NAV2: variants seen among roughly 807,000 people sequenced by gnomAD.
NAV2 encodes the protein helicase, APC down-regulated 1.
NAV2 carries 54 observed loss-of-function variants against 223.2 expected under a neutral mutation model. That is an observed-to-expected ratio of 0.24 (90% CI 0.19 to 0.30). The LOEUF is 0.30. NAV2 is among the 10% of genes least tolerant of loss of function. The pLI, the probability that NAV2 is intolerant of heterozygous loss-of-function variation, is 1.00. For missense variants in NAV2, 2,806 were observed against 3,147.5 expected, an observed-to-expected ratio of 0.89 and a Z score of 2.60; for synonymous variants, 1,279 against 1,239.3, an observed-to-expected ratio of 1.03 and a Z score of -0.67.
chr11:19,731,530 A>G (rs2051770061), intron 1 of NAV2, among the ~76,000 whole-genome samples: 1 of 152,224 alleles, frequency 6.6e-6, no homozygotes, highest in African/African-American at 2.4e-5. Flanking sequence ...AGTGAACCAT[A>G]AACACTGTGG....
chr11:19,585,232 G>C (rs185579037), intron 1 of NAV2, among the ~76,000 whole-genome samples: 63 of 152,086 alleles, frequency 4.1e-4, no homozygotes, highest in African/African-American at 1.4e-3. Flanking sequence ...CATTTGCTTG[G>C]TAGATCTTCC....
chr11:19,844,287 C>T (rs2060663992), intron 3 of NAV2, among the ~76,000 whole-genome samples: 1 of 152,166 alleles, frequency 6.6e-6, no homozygotes, highest in Non-Finnish European at 1.5e-5. Context: ...GCATTATTTC[C>T]CTCCAGGATA....
chr11:19,630,455 C>A (rs2047311277), intron 1 of NAV2, among the ~76,000 whole-genome samples: 1 of 152,020 alleles, frequency 6.6e-6, no homozygotes, highest in African/African-American at 2.4e-5. Context: ...CCTAGGGTTC[C>A]AAGAAGACAT....
intron 1 of NAV2, among the ~76,000 whole-genome samples, chr11:19,800,851 T>G (rs540143434): frequency 8.4e-4 from 128 of 152,306 alleles, no homozygotes; most frequent in African/African-American, 2.7e-3. Flanking sequence ...CAGTCTGGTC[T>G]GTAGCCTTGG....
chr11:19,360,882 A>G (rs1187127212), intron 1 of NAV2, among the ~76,000 whole-genome samples: 1 of 152,168 alleles, frequency 6.6e-6, no homozygotes, highest in South Asian at 2.1e-4. Context: ...CATCAAGTGG[A>G]TACTTAAATA....
chr11:20,021,146 G>T (rs2054474298), intron 11 of NAV2, among the ~76,000 whole-genome samples: 1 of 152,162 alleles, frequency 6.6e-6, no homozygotes, highest in South Asian at 2.1e-4. Context: ...GTTCTCCCGA[G>T]CATTTATTGC....
chr11:19,627,103 G>A (rs2047192989), intron 1 of NAV2, among the ~76,000 whole-genome samples: 1 of 152,172 alleles, frequency 6.6e-6, no homozygotes, highest in South Asian at 2.1e-4. Flanking sequence ...AGAGATCCAT[G>A]TGGGCCGGGT....
chr11:19,589,497 G>T (rs2045995285), intron 1 of NAV2, among the ~76,000 whole-genome samples: 1 of 152,192 alleles, frequency 6.6e-6, no homozygotes, highest in South Asian at 2.1e-4. Flanking sequence ...GACATTTGAG[G>T]AGGAGTACGC....
chr11:19,586,479 T>C (rs982737816), intron 1 of NAV2, among the ~76,000 whole-genome samples: 10 of 152,250 alleles, frequency 6.6e-5, no homozygotes, highest in Non-Finnish European at 1.2e-4. Context: ...TTCCAGTTTT[T>C]CTGCTCTGTT....
intron 10 of NAV2, among the ~76,000 whole-genome samples, chr11:19,971,981 G>A (rs112789673): frequency 0.011 from 1,734 of 152,320 alleles, 34 homozygotes; most frequent in African/African-American, 0.04. Flanking sequence ...GGGATTACAG[G>A]CATAAGCCAC....
At chr11:19,631,515 T>C (rs756244333) in intron 1 of NAV2, among the ~76,000 whole-genome samples, 6 of 152,236 alleles carry the variant, frequency 3.9e-5, no homozygotes, top group Admixed American at 1.3e-4. Context: ...TAGGGCTATC[T>C]TTCCTTTTGT....
intron 1 of NAV2, among the ~76,000 whole-genome samples, chr11:19,394,800 G>T (rs1414074326): frequency 6.6e-6 from 1 of 152,192 alleles, no homozygotes; most frequent in African/African-American, 2.4e-5. Flanking sequence ...GCCTGAAAGA[G>T]GTTCAAATGT....
At chr11:20,073,031 C>T (rs1390424606) in intron 22 of NAV2, among the ~76,000 whole-genome samples, 1 of 152,178 alleles carries the variant, frequency 6.6e-6, no homozygotes, top group Non-Finnish European at 1.5e-5. Context: ...AAAGGGAATG[C>T]TTCCAGTCTT....
At chr11:19,669,388 T>C (rs571518908) in intron 1 of NAV2, among the ~76,000 whole-genome samples, 33 of 152,364 alleles carry the variant, frequency 2.2e-4, no homozygotes, top group African/African-American at 7.5e-4. Flanking sequence ...CTCTACCATG[T>C]ACCTGCTATA....
At chr11:19,875,323 C>G (rs576919164) in intron 4 of NAV2, among the ~76,000 whole-genome samples, 91 of 152,336 alleles carry the variant, frequency 6.0e-4, no homozygotes, top group Admixed American at 1.8e-3. Context: ...GCTCAGAACA[C>G]TTACATTAGC....
intron 1 of NAV2, among the ~76,000 whole-genome samples, chr11:19,624,374 A>T (rs566775250): frequency 1.3e-5 from 2 of 152,176 alleles, no homozygotes; most frequent in Non-Finnish European, 2.9e-5. Context: ...GGTGGAGTCT[A>T]CAGAGGCAGG....
chr11:19,803,727 A>G (rs2152781314), intron 1 of NAV2, among the ~76,000 whole-genome samples: 1 of 152,386 alleles, frequency 6.6e-6, no homozygotes, highest in Admixed American at 6.5e-5. Context: ...AGTCCAGGGA[A>G]GCCCCTCATT....
intron 1 of NAV2, among the ~76,000 whole-genome samples, chr11:19,458,932 G>T (rs1242661617): frequency 6.6e-6 from 1 of 152,254 alleles, no homozygotes; most frequent in East Asian, 1.9e-4. Context: ...GGCCACTGTT[G>T]CAGAGACAGC....
intron 22 of NAV2, among the ~76,000 whole-genome samples, chr11:20,074,259 T>C (rs1335730134): frequency 1.3e-5 from 2 of 152,180 alleles, no homozygotes; most frequent in Non-Finnish European, 2.9e-5. Flanking sequence ...GAGTTTCTTA[T>C]TCATGAGTTC....
Sources: gnomAD v4.1 joint callset for allele counts (sites outside exome capture counted in the v4.1 genomes callset) on GRCh38, gnomAD v4.1.1 for gene constraint, MANE v1.5 for transcripts, NCBI Gene and HGNC (gene_info 2026-07-23, HGNC 2026-07-21) for gene names.